Variants in RGS7 observed in about 807,000 individuals in gnomAD.
RGS7 encodes regulator of G protein signaling 7.
A neutral mutation model predicts 81.1 loss-of-function variants in RGS7; 27 were observed. That is an observed-to-expected ratio of 0.33 (90% CI 0.25 to 0.46). The LOEUF is 0.46. RGS7 is among the 20% of genes least tolerant of loss of function. The pLI, the probability that RGS7 is intolerant of heterozygous loss-of-function variation, is 1.00. For missense variants in RGS7, 396 were observed against 607.4 expected (o/e 0.65, Z 3.66); for synonymous variants, 208 against 207.7 (o/e 1.00, Z -0.01).
intron 2 of RGS7, among the ~76,000 whole-genome samples, chr1:241,290,925 A>T (rs2079054351): frequency 6.6e-6 from 1 of 152,222 alleles, no homozygotes; most frequent in African/African-American, 2.4e-5. Context: ...TATGCAATTA[A>T]CCATGATACA....
chr1:241,018,315 C>T (rs1367382169), intron 3 of RGS7, among the ~76,000 whole-genome samples: 1 of 151,694 alleles, frequency 6.6e-6, no homozygotes, highest in Non-Finnish European at 1.5e-5. Context: ...GTTTTTTCCT[C>T]ATGTTTTCGC....
chr1:240,827,466 T>G (rs1693040005), intron 9 of RGS7, among the ~76,000 whole-genome samples: 2 of 152,264 alleles, frequency 1.3e-5, no homozygotes, highest in South Asian at 4.1e-4. Flanking sequence ...TGTCAATACG[T>G]ATAGCGACAA....
chr1:240,944,775 G>T (rs772173449), intron 4 of RGS7, among the ~76,000 whole-genome samples: 1 of 152,164 alleles, frequency 6.6e-6, no homozygotes, highest in Non-Finnish European at 1.5e-5. Context: ...GTGCAGTGGC[G>T]CGATCTTCGC....
chr1:240,796,124 T>G (rs1004524929), intron 18 of RGS7, among the ~76,000 whole-genome samples: 12 of 152,120 alleles, frequency 7.9e-5, no homozygotes, highest in Non-Finnish European at 1.8e-4. Context: ...CTAGAATATA[T>G]AGGACTAGGT....
chr1:241,277,935 T>C lies in RGS7; in HGVS notation c.78+77764A>G, dbSNP rs572806218. On this transcript the variant is annotated intron_variant, in intron 2 of 18. Transcript: ENST00000440928. Reference sequence around the variant, plus strand: ...TCTTTAGTTTTTCTCCATTTTGTTATTTGATTCTCTTCTTCAGGAATAGCA... The same window carrying C: ...TCTTTAGTTTTTCTCCATTTTGTTACTTGATTCTCTTCTTCAGGAATAGCA... Among the ~76,000 whole-genome samples the C allele has an allele frequency of 7.2e-5, 11 of 152,360 alleles. No homozygotes were observed. The East Asian group carries it at 2.1e-3, about 29-fold the overall frequency.
intron 2 of RGS7, among the ~76,000 whole-genome samples, chr1:241,207,671 C>T (rs138391721): frequency 2.4e-4 from 37 of 152,104 alleles, no homozygotes; most frequent in African/African-American, 8.2e-4. Flanking sequence ...ACCAAACGCA[C>T]CAAAAGAATC....
intron 2 of RGS7, among the ~76,000 whole-genome samples, chr1:241,257,977 A>G (rs944780606): frequency 1.3e-5 from 2 of 152,194 alleles, no homozygotes; most frequent in Admixed American, 6.5e-5. Flanking sequence ...GTATAAAGGT[A>G]TTATAATATA....
At chr1:241,317,551 C>T in intron 2 of RGS7, among the ~76,000 whole-genome samples, 1 of 152,184 alleles carries the variant, frequency 6.6e-6, no homozygotes, top group East Asian at 1.9e-4. Context: ...AATCAAACCC[C>T]AAATCCTGAG....
intron 7 of RGS7, among the ~76,000 whole-genome samples, chr1:240,869,669 G>A (rs542973581): frequency 6.6e-6 from 1 of 152,314 alleles, no homozygotes; most frequent in South Asian, 2.1e-4. Context: ...GCTGGGCGTG[G>A]TGGCTCGTGC....
chr1:240,918,731 T>C (rs757154570), intron 6 of RGS7, among the ~76,000 whole-genome samples: 8 of 150,158 alleles, frequency 5.3e-5, no homozygotes, highest in Non-Finnish European at 1.0e-4. Flanking sequence ...AAACAAATAA[T>C]AAAAATCAGA....
chr1:240,795,132 C>T (rs1487767509), intron 18 of RGS7, among the ~76,000 whole-genome samples: 2 of 151,594 alleles, frequency 1.3e-5, no homozygotes, highest in African/African-American at 2.4e-5. Context: ...TGCAGTGAGC[C>T]GAGATCACAC....
intron 15 of RGS7, among the ~76,000 whole-genome samples, 165 bp downstream of exon 15, chr1:240,805,975 T>C (rs1247760053): frequency 6.6e-6 from 1 of 152,156 alleles, no homozygotes; most frequent in Non-Finnish European, 1.5e-5. Flanking sequence ...AACTATTCAG[T>C]TTAATGTGTC....
At chr1:240,826,046 T>G (rs1337450139) in intron 10 of RGS7, among the ~76,000 whole-genome samples, 1 of 152,182 alleles carries the variant, frequency 6.6e-6, no homozygotes, top group Non-Finnish European at 1.5e-5. Flanking sequence ...AAAATAGTTC[T>G]TGGTGCCCTC....
intron 3 of RGS7, among the ~76,000 whole-genome samples, chr1:241,051,004 C>T (rs1205071298): frequency 6.6e-6 from 1 of 152,048 alleles, no homozygotes; most frequent in Non-Finnish European, 1.5e-5. Flanking sequence ...TTCTAACCCC[C>T]ACATTGTTCA....
At position 241,291,570 on chromosome 1, in the gene RGS7, C is replaced by CTTTTTTTTTTTTTTT. The variant is rs397947911; in HGVS notation, c.78+64114_78+64128dup. The stretch of plus-strand genomic sequence containing the variant: ...CCTTTCTGGCTCAGAGAATTCCCAG[C>CTTTTTTTTTTTTTTT]TTTTTTTTTTTTTTTTTGCTTTTTT... On this transcript the variant is annotated intron_variant, in intron 2 of 18. Coordinates refer to ENST00000440928, the MANE Select transcript of RGS7 (RefSeq NM_001364886.1). 9.4e-3 allele frequency among the ~76,000 whole-genome samples: 884 copies of CTTTTTTTTTTTTTTT among 93,984 alleles called. 7 individuals carry two copies. Among genetic ancestry groups the CTTTTTTTTTTTTTTT allele is most frequent in the East Asian group, 0.016 (39 of 2,476 alleles). 61.7% of individuals were successfully genotyped at this position (93,984 alleles called of 152,430 possible).
intron 2 of RGS7, among the ~76,000 whole-genome samples, chr1:241,275,348 A>T (rs1050363553): frequency 5.3e-5 from 8 of 152,210 alleles, no homozygotes; most frequent in Non-Finnish European, 1.0e-4. Context: ...AGGAAAGGTA[A>T]TATTTAGTAG....
chr1:240,992,707 T>C (rs1686630566), intron 3 of RGS7, among the ~76,000 whole-genome samples: 1 of 151,990 alleles, frequency 6.6e-6, no homozygotes, highest in Admixed American at 6.6e-5. Context: ...CAATTAATGA[T>C]GCCATTTTTG....
intron 6 of RGS7, among the ~76,000 whole-genome samples, chr1:240,882,094 T>C (rs1025394926): frequency 5.3e-5 from 8 of 152,076 alleles, no homozygotes; most frequent in East Asian, 3.9e-4. Flanking sequence ...TTTGTGTTTT[T>C]AGTAGAGATA....
chr1:240,860,591 ACACACGCTTGC>A (rs1662020021), intron 9 of RGS7, among the ~76,000 whole-genome samples: 1 of 152,128 alleles, frequency 6.6e-6, no homozygotes, highest in Admixed American at 6.6e-5. Flanking sequence ...ACACAGGCAC[ACACACGCTTGC>A]TTCGCCAGGC....
Sources: allele counts gnomAD v4.1 joint callset (sites outside exome capture counted in the v4.1 genomes callset), GRCh38; gene constraint gnomAD v4.1.1; transcripts MANE v1.5; gene names NCBI Gene and HGNC (gene_info 2026-07-23, HGNC 2026-07-21).